Variants in SOHLH2 observed in about 807,000 individuals in gnomAD.
The protein encoded by SOHLH2 is spermatogenesis and oogenesis specific basic helix-loop-helix 2.
Under a neutral mutation model 50.4 loss-of-function variants are expected in SOHLH2, and 22 were observed. The ratio of observed to expected loss-of-function variants is 0.44; its 90% CI spans 0.31 to 0.62. The LOEUF is 0.62. Among genes scored for constraint, SOHLH2 ranks in the 20% least tolerant of loss-of-function variants. The probability of loss-of-function intolerance (pLI) is 0.08; values close to 1 mark genes in which losing one functional copy is unlikely to be tolerated. For synonymous variants in SOHLH2, 185 were observed against 187.3 expected, an observed-to-expected ratio of 0.99 and a Z score of 0.10; for missense variants, 412 against 504.4, an observed-to-expected ratio of 0.82 and a Z score of 1.76.
chr13:36,191,915 A>C, intron 4 of SOHLH2, 21 bp from the exon 5 acceptor site: 4 of 1,613,342 alleles, frequency 2.5e-6, no homozygotes, highest in South Asian at 1.1e-5. Flanking sequence ...TGAGAGGGGA[A>C]CTATTTATTT....
At chr13:36,187,279 C>T (rs1409249912) in intron 6 of SOHLH2, among the ~76,000 whole-genome samples, 1 of 152,172 alleles carries the variant, frequency 6.6e-6, no homozygotes, top group East Asian at 1.9e-4. Context: ...ACCATTAGAT[C>T]TGGACATGAA....
chr13:36,173,803 T>C lies in SOHLH2; in HGVS notation c.889A>G (p.Ser297Gly). 2 of 1,613,974 alleles carry C rather than the reference T, an allele frequency of 1.2e-6. No homozygotes were observed. The highest frequency in any genetic ancestry group is 1.7e-6 in the Non-Finnish European group (2 of 1,179,952). Residue 297 changes from serine (S) to glycine (G), a missense_variant, in exon 9 of 11, where the codon AGT becomes GGT. Physicochemically the swap from Ser to Gly is moderately conservative, Grantham distance 56 (BLOSUM62 0). Coordinates refer to ENST00000379881, the MANE Select transcript of SOHLH2 (RefSeq NM_017826.3). ...TCAGGGGAGTAAGTGCTCATCACAC[T>C]GTTTTCCCTTGAAAGGACAGAAAAA... is the stretch of plus-strand genomic sequence containing the variant. ...PGTVMAQREN[S>G]VMSTYSPERG... is the part of the protein sequence containing the mutation.
At chr13:36,175,189 C>A (rs1887067368) in intron 6 of SOHLH2, among the ~76,000 whole-genome samples, 1 of 152,222 alleles carries the variant, frequency 6.6e-6, no homozygotes, top group Admixed American at 6.5e-5. Flanking sequence ...AGGAAAGCAC[C>A]CTTCCCACCC....
At chr13:36,188,801 C>CT (rs964454454) in intron 6 of SOHLH2, among the ~76,000 whole-genome samples, 4 of 152,282 alleles carry the variant, frequency 2.6e-5, no homozygotes, top group Middle Eastern at 3.4e-3. Flanking sequence ...CCACTAGTCC[C>CT]TTCTCTACGT....
chr13:36,203,390 A>T (rs1463494192), intron 1 of SOHLH2, among the ~76,000 whole-genome samples: 1 of 152,180 alleles, frequency 6.6e-6, no homozygotes, highest in Non-Finnish European at 1.5e-5. Flanking sequence ...ATTTGTTGGG[A>T]TCAGGGGTAA....
chr13:36,179,733 G>A (rs1370061311), intron 6 of SOHLH2, among the ~76,000 whole-genome samples: 1 of 152,136 alleles, frequency 6.6e-6, no homozygotes, highest in African/African-American at 2.4e-5. Flanking sequence ...ATTTTTGAAT[G>A]TCATACCAGT....
chr13:36,195,600 G>A (rs938260401), intron 2 of SOHLH2, among the ~76,000 whole-genome samples: 1 of 152,216 alleles, frequency 6.6e-6, no homozygotes, highest in Non-Finnish European at 1.5e-5. Context: ...CTCTGCCTAT[G>A]ATGGGATGCG....
chr13:36,206,264 C>T (rs1868756158), intron 1 of SOHLH2, among the ~76,000 whole-genome samples: 2 of 151,994 alleles, frequency 1.3e-5, no homozygotes, highest in Admixed American at 6.5e-5. Flanking sequence ...ACATTTTCAT[C>T]ATTGTGGAAA....
At chr13:36,209,732 A>G (rs1437099143) in intron 1 of SOHLH2, among the ~76,000 whole-genome samples, 1 of 152,228 alleles carries the variant, frequency 6.6e-6, no homozygotes, top group Non-Finnish European at 1.5e-5. Flanking sequence ...TGTCTCTTCA[A>G]TCGTTCAGTG....
chr13:36,199,749 G>T (rs559790251), intron 2 of SOHLH2, among the ~76,000 whole-genome samples: 1 of 152,122 alleles, frequency 6.6e-6, no homozygotes, highest in Non-Finnish European at 1.5e-5. Context: ...TTTAATATCT[G>T]CAGCTAAACA....
chr13:36,191,110 A>C (rs1358569648), intron 5 of SOHLH2, among the ~76,000 whole-genome samples: 1 of 152,174 alleles, frequency 6.6e-6, no homozygotes, highest in Non-Finnish European at 1.5e-5. Flanking sequence ...AATTCACAAA[A>C]ATTGAATTTT....
intron 2 of SOHLH2, among the ~76,000 whole-genome samples, chr13:36,199,459 C>A (rs3790013): frequency 0.033 from 4,993 of 152,332 alleles, 104 homozygotes; most frequent in East Asian, 0.059. Context: ...CAGATAACAC[C>A]TGCTGGTAGT....
At chr13:36,214,146 A>G (rs570352293) in intron 1 of SOHLH2, among the ~76,000 whole-genome samples, 2 of 151,696 alleles carry the variant, frequency 1.3e-5, no homozygotes, top group Admixed American at 1.3e-4. Context: ...ACATTTCATC[A>G]GTTAATGGGT....
At chr13:36,178,803 C>A (rs1593938082) in intron 6 of SOHLH2, among the ~76,000 whole-genome samples, 1 of 148,674 alleles carries the variant, frequency 6.7e-6, no homozygotes, top group South Asian at 2.1e-4. Context: ...TTTGAATGAT[C>A]AATGTACAGA....
At chr13:36,179,008 AC>A (rs1192635978) in intron 6 of SOHLH2, among the ~76,000 whole-genome samples, 20 of 152,086 alleles carry the variant, frequency 1.3e-4, no homozygotes, top group African/African-American at 4.8e-4. Flanking sequence ...TGTTTTGTAA[AC>A]GTCTTAGGAC....
At chr13:36,209,474 G>A (rs1323692766) in intron 1 of SOHLH2, among the ~76,000 whole-genome samples, 1 of 152,156 alleles carries the variant, frequency 6.6e-6, no homozygotes, top group Non-Finnish European at 1.5e-5. Context: ...CAGATTAAAT[G>A]TCTGGTGATG....
chr13:36,173,516 G>A (rs565811925), intron 9 of SOHLH2, among the ~76,000 whole-genome samples, 176 bp downstream of exon 9: 1 of 152,266 alleles, frequency 6.6e-6, no homozygotes, highest in Non-Finnish European at 1.5e-5. Flanking sequence ...CCAGTTTCTG[G>A]CATAACACTA....
chr13:36,212,665 T>C (rs1337393700), intron 1 of SOHLH2, among the ~76,000 whole-genome samples: 1 of 152,164 alleles, frequency 6.6e-6, no homozygotes, highest in Non-Finnish European at 1.5e-5. Context: ...ACTACACCTT[T>C]GTAAACGAAA....
intron 9 of SOHLH2, among the ~76,000 whole-genome samples, chr13:36,171,174 GA>G (rs992199558): frequency 3.3e-5 from 5 of 151,486 alleles, no homozygotes; most frequent in South Asian, 4.2e-4. Context: ...GTAACTAGAA[GA>G]AAAAAAATTG....
Sources: gnomAD v4.1 joint callset for allele counts (sites outside exome capture counted in the v4.1 genomes callset) on GRCh38, gnomAD v4.1.1 for gene constraint, MANE v1.5 for transcripts, NCBI Gene and HGNC (gene_info 2026-07-23, HGNC 2026-07-21) for gene names.